Variants in ADAM23 observed in about 807,000 individuals in gnomAD.
The protein encoded by ADAM23 is ADAM metallopeptidase domain 23, also known as disintegrin and metalloproteinase domain-containing protein 23.
Under a neutral mutation model 120.1 loss-of-function variants are expected in ADAM23, and 33 were observed. That is an observed-to-expected ratio of 0.27 (90% CI 0.21 to 0.37). The LOEUF is 0.37. Among genes scored for constraint, ADAM23 ranks in the 10% least tolerant of loss-of-function variants. ADAM23 has a pLI of 1.00. For synonymous variants in ADAM23, 367 were observed against 375.2 expected (o/e 0.98, Z 0.25); for missense variants, 862 against 1,058.2 (o/e 0.81, Z 2.57).
chr2:206,530,696 A>G (rs1220035262), intron 3 of ADAM23, among the ~76,000 whole-genome samples, 189 bp from the exon 4 acceptor site: 3 of 98,728 alleles, frequency 3.0e-5, no homozygotes, highest in East Asian at 3.0e-4. Context: ...TTTTTTCTGC[A>G]GATTGGGGAG....
chr2:206,503,604 G>A (rs1696434880), intron 3 of ADAM23, among the ~76,000 whole-genome samples: 1 of 152,102 alleles, frequency 6.6e-6, no homozygotes, highest in Admixed American at 6.6e-5. Context: ...GAGATTGATG[G>A]AAGGGCTAAT....
Position 206,443,745 on chromosome 2 carries a change from C to G in ADAM23, c.-122C>G. 2 of 366,226 alleles carry G rather than the reference C, an allele frequency of 5.5e-6. No homozygotes were observed. Among genetic ancestry groups the G allele is most frequent in the Non-Finnish European group, 7.5e-6 (2 of 265,498 alleles). The allele number at this position is 366,226 out of a possible 1,614,324, so 22.7% of individuals were successfully genotyped here. On this transcript the variant is annotated 5_prime_UTR_variant, in exon 1 of 26. Coordinates refer to ENST00000264377, the MANE Select transcript of ADAM23 (RefSeq NM_003812.4). Reference sequence around the variant, plus strand: ...CGCGCCCCGTGCCCCGAGCCCGGAGCCCCCTGCCCGCCGCGGCACCATGCG... The same window carrying G: ...CGCGCCCCGTGCCCCGAGCCCGGAGGCCCCTGCCCGCCGCGGCACCATGCG...
chr2:206,495,033 T>A (rs901524317), intron 3 of ADAM23, among the ~76,000 whole-genome samples: 1 of 152,208 alleles, frequency 6.6e-6, no homozygotes, highest in African/African-American at 2.4e-5. Context: ...TTGGTGTACC[T>A]GAAAGTGACG....
At chr2:206,600,010 G>A (rs943906300) in intron 24 of ADAM23, among the ~76,000 whole-genome samples, 1 of 152,180 alleles carries the variant, frequency 6.6e-6, no homozygotes, top group South Asian at 2.1e-4. Flanking sequence ...GACCATCCTG[G>A]CTAACACAGT....
intron 4 of ADAM23, among the ~76,000 whole-genome samples, chr2:206,538,631 T>G (rs1391666325): frequency 2.0e-5 from 3 of 152,218 alleles, no homozygotes; most frequent in Non-Finnish European, 4.4e-5. Context: ...AGTAAAGAAC[T>G]GGCTGATGGA....
At chr2:206,529,872 C>A (rs1387423356) in intron 3 of ADAM23, among the ~76,000 whole-genome samples, 1 of 151,844 alleles carries the variant, frequency 6.6e-6, no homozygotes, top group Non-Finnish European at 1.5e-5. Flanking sequence ...AGTGCAGTGG[C>A]ATGATCTCGG....
chr2:206,605,035 C>CA (rs1312316776), intron 24 of ADAM23, among the ~76,000 whole-genome samples: 3 of 152,226 alleles, frequency 2.0e-5, no homozygotes, highest in Non-Finnish European at 1.5e-5. Flanking sequence ...GACCTCCACT[C>CA]ATTCCAGGCC....
chr2:206,549,370 A>G (rs796910357), intron 8 of ADAM23, among the ~76,000 whole-genome samples: 2 of 151,906 alleles, frequency 1.3e-5, no homozygotes, highest in African/African-American at 4.8e-5. Flanking sequence ...CCTACAGTCC[A>G]CCTCATCAAA....
At chr2:206,527,863 A>G (rs1696973468) in intron 3 of ADAM23, among the ~76,000 whole-genome samples, 1 of 152,286 alleles carries the variant, frequency 6.6e-6, no homozygotes, top group Non-Finnish European at 1.5e-5. Context: ...GGAGGGGCAT[A>G]TGGTGGTGTA....
chr2:206,464,145 A>T (rs1392766382), intron 2 of ADAM23, among the ~76,000 whole-genome samples: 1 of 152,202 alleles, frequency 6.6e-6, no homozygotes, highest in Non-Finnish European at 1.5e-5. Context: ...ATATATTTTT[A>T]AAAATCTAGT....
chr2:206,474,028 A>AC (rs892854957), intron 2 of ADAM23, among the ~76,000 whole-genome samples: 4 of 151,480 alleles, frequency 2.6e-5, no homozygotes, highest in African/African-American at 9.7e-5. Flanking sequence ...AAAAAAACAA[A>AC]AAAAAAAAAC....
At chr2:206,550,905 A>G (rs1697511804) in intron 9 of ADAM23, among the ~76,000 whole-genome samples, 1 of 152,216 alleles carries the variant, frequency 6.6e-6, no homozygotes, top group Non-Finnish European at 1.5e-5. Context: ...CCGGCGACTT[A>G]TCGTCTTTAA....
intron 22 of ADAM23, among the ~76,000 whole-genome samples, chr2:206,593,791 T>C (rs1019413872): frequency 6.6e-6 from 1 of 152,064 alleles, no homozygotes. Context: ...TTAGTGACTA[T>C]AGCATTATCA....
chr2:206,492,573 C>G (rs1388719082), intron 3 of ADAM23, among the ~76,000 whole-genome samples: 1 of 152,104 alleles, frequency 6.6e-6, no homozygotes, highest in African/African-American at 2.4e-5. Context: ...AAGACCAAGC[C>G]TTGATATCTG....
chr2:206,617,471 C>T (rs1698955899), intron 25 of ADAM23, 108 bp from the exon 26 acceptor site: 3 of 1,270,058 alleles, frequency 2.4e-6, no homozygotes, highest in South Asian at 3.8e-5. Context: ...TTACTTTGCT[C>T]TGGAACTAGC....
intron 21 of ADAM23, 81 bp from the exon 22 acceptor site, chr2:206,592,536 A>T (rs1698444014): frequency 6.7e-7 from 1 of 1,498,072 alleles, no homozygotes; most frequent in Non-Finnish European, 9.1e-7. Flanking sequence ...AAAAATTTGA[A>T]TCAATGTGGA....
At chr2:206,617,085 G>A (rs1003432682) in intron 25 of ADAM23, among the ~76,000 whole-genome samples, 1 of 152,138 alleles carries the variant, frequency 6.6e-6, no homozygotes, top group African/African-American at 2.4e-5. Flanking sequence ...ACCCAAGGCA[G>A]CAAGATAACT....
chr2:206,601,524 A>C (rs549408003), intron 24 of ADAM23, among the ~76,000 whole-genome samples: 1 of 152,138 alleles, frequency 6.6e-6, no homozygotes, highest in Non-Finnish European at 1.5e-5. Context: ...TGTGATCCCA[A>C]CACTTTAGGA....
At chr2:206,444,211 T>C (rs1695026695) in intron 1 of ADAM23, 131 bp downstream of exon 1, 2 of 656,460 alleles carry the variant, frequency 3.0e-6, no homozygotes, top group East Asian at 3.6e-5. Flanking sequence ...TGCCTGTCTT[T>C]CCACCCTTCT....
Sources: gnomAD v4.1 joint callset for allele counts (sites outside exome capture counted in the v4.1 genomes callset) on GRCh38, gnomAD v4.1.1 for gene constraint, MANE v1.5 for transcripts, NCBI Gene and HGNC (gene_info 2026-07-23, HGNC 2026-07-21) for gene names.